SNTG1: variants seen among roughly 807,000 people sequenced by gnomAD.
SNTG1 encodes syntrophin gamma 1.
In SNTG1, 39 loss-of-function variants were observed where a neutral mutation model predicts 74.7. That is an observed-to-expected ratio of 0.52 (90% CI 0.40 to 0.68). The LOEUF (loss-of-function observed/expected upper bound fraction) is 0.68. SNTG1 is among the 30% of genes least tolerant of loss of function. The pLI, the probability that SNTG1 is intolerant of heterozygous loss-of-function variation, is 0.00. For synonymous variants in SNTG1, 254 were observed against 217.1 expected, an observed-to-expected ratio of 1.17 and a Z score of -1.49; for missense variants, 685 against 609.5, an observed-to-expected ratio of 1.12 and a Z score of -1.30.
chr8:50,351,540 C>A (rs552604239), intron 2 of SNTG1, among the ~76,000 whole-genome samples: 5 of 152,186 alleles, frequency 3.3e-5, no homozygotes, highest in African/African-American at 7.2e-5. Context: ...GGACTTTAGT[C>A]AAGCATTCAT....
At chr8:50,369,933 T>C (rs1450431853) in intron 2 of SNTG1, among the ~76,000 whole-genome samples, 2 of 152,196 alleles carry the variant, frequency 1.3e-5, no homozygotes, top group Non-Finnish European at 2.9e-5. Flanking sequence ...GGTTTAAAGA[T>C]GCCAATGACT....
chr8:50,788,463 A>T (rs1335806090), intron 18 of SNTG1, among the ~76,000 whole-genome samples: 3 of 151,930 alleles, frequency 2.0e-5, no homozygotes, highest in African/African-American at 7.2e-5. Flanking sequence ...GTTGGCTCTC[A>T]ATTTTGTTCA....
At chr8:50,658,941 T>C (rs1028459445) in intron 15 of SNTG1, among the ~76,000 whole-genome samples, 24 of 152,100 alleles carry the variant, frequency 1.6e-4, no homozygotes, top group African/African-American at 5.8e-4. Flanking sequence ...AGGAGTTCAC[T>C]GGGGAAGAAG....
In SNTG1 at chr8:50,417,214, G is replaced by A. The variant is rs542787287; in HGVS notation, c.162+14870G>A. 1.6e-4 allele frequency among the ~76,000 whole-genome samples: 25 copies of A among 152,176 alleles called. No homozygotes were observed. The South Asian group carries it at 5.2e-3, about 32-fold the overall frequency. On this transcript the variant is annotated intron_variant, in intron 4 of 18. Transcript: ENST00000642720. Reference sequence around the variant, plus strand: ...AAGCAATTGCTTATATACACAAGTTGGAACATCTCTGCGATAAGGAGCATA... The same window carrying A: ...AAGCAATTGCTTATATACACAAGTTAGAACATCTCTGCGATAAGGAGCATA...
intron 17 of SNTG1, among the ~76,000 whole-genome samples, chr8:50,736,070 C>T (rs149066210): frequency 1.8e-4 from 28 of 152,096 alleles, no homozygotes; most frequent in African/African-American, 5.8e-4. Context: ...CAAGCAAATG[C>T]TGAGAGATTT....
At chr8:50,074,465 CT>C (rs1318882795) in intron 1 of SNTG1, among the ~76,000 whole-genome samples, 2 of 152,118 alleles carry the variant, frequency 1.3e-5, no homozygotes, top group Non-Finnish European at 2.9e-5. Context: ...ATTGTTGTGG[CT>C]TTGGATCAGG....
intron 10 of SNTG1, among the ~76,000 whole-genome samples, chr8:50,532,582 C>T (rs886066168): frequency 6.6e-6 from 1 of 152,202 alleles, no homozygotes; most frequent in Non-Finnish European, 1.5e-5. Flanking sequence ...GAGCATTAAC[C>T]TGCAATGGTA....
intron 11 of SNTG1, among the ~76,000 whole-genome samples, chr8:50,550,215 T>A (rs1409707370): frequency 6.6e-6 from 1 of 152,158 alleles, no homozygotes; most frequent in Non-Finnish European, 1.5e-5. Context: ...GAGCAGTGGT[T>A]CCTTGCAGAC....
At chr8:50,581,154 G>A (rs778942194) in intron 12 of SNTG1, among the ~76,000 whole-genome samples, 5 of 152,132 alleles carry the variant, frequency 3.3e-5, no homozygotes, top group Non-Finnish European at 7.4e-5. Context: ...CTTATCAAGA[G>A]CACATAAAAT....
intron 1 of SNTG1, among the ~76,000 whole-genome samples, chr8:49,998,167 A>G (rs527754922): frequency 6.6e-6 from 1 of 152,320 alleles, no homozygotes; most frequent in East Asian, 1.9e-4. Context: ...GGTAAAGTAC[A>G]GCAAAAATAC....
intron 4 of SNTG1, among the ~76,000 whole-genome samples, chr8:50,432,379 G>GC (rs2093247782): frequency 6.6e-6 from 1 of 151,090 alleles, no homozygotes; most frequent in Non-Finnish European, 1.5e-5. Context: ...TGGTCTAAAT[G>GC]CTTTTTCTGT....
intron 1 of SNTG1, among the ~76,000 whole-genome samples, chr8:49,999,969 A>G (rs1005747642): frequency 1.3e-5 from 2 of 152,136 alleles, no homozygotes; most frequent in African/African-American, 2.4e-5. Context: ...GGCTTAATAC[A>G]TATTGTTGAA....
rs35453036 is a variant in SNTG1 at position 50,268,654 on chromosome 8, AT to A, written c.-28+96033del. On this transcript the variant is annotated intron_variant, in intron 2 of 18. Coordinates refer to ENST00000642720, the MANE Select transcript of SNTG1 (RefSeq NM_018967.5). Reference sequence around the variant, plus strand: ...ACGTATACATACTCATACATATTCAATTTTTTTTTTTTTTAATTTTTAGGCA... The same window carrying A: ...ACGTATACATACTCATACATATTCAATTTTTTTTTTTTTAATTTTTAGGCA... Among the ~76,000 whole-genome samples the A allele has an allele frequency of 4.5e-4, 66 of 147,406 alleles. 1 individual carries two copies. The highest frequency in any genetic ancestry group is 8.7e-4 in the African/African-American group (35 of 40,128).
At chr8:50,113,588 C>T (rs2080693010) in intron 1 of SNTG1, among the ~76,000 whole-genome samples, 1 of 152,112 alleles carries the variant, frequency 6.6e-6, no homozygotes, top group Non-Finnish European at 1.5e-5. Context: ...TTTCTCCTGC[C>T]TGATTGCCCT....
intron 18 of SNTG1, among the ~76,000 whole-genome samples, chr8:50,758,604 A>G (rs761591551): frequency 1.3e-5 from 2 of 152,054 alleles, no homozygotes; most frequent in Non-Finnish European, 2.9e-5. Context: ...TACTTTGCTG[A>G]GAATGATGGT....
chr8:50,182,478 AAG>A (rs1218326350), intron 2 of SNTG1, among the ~76,000 whole-genome samples: 3 of 152,210 alleles, frequency 2.0e-5, no homozygotes, highest in African/African-American at 7.2e-5. Context: ...AGTAAGCTGA[AAG>A]AGATAAATAG....
At chr8:50,769,712 T>C (rs982203885) in intron 18 of SNTG1, among the ~76,000 whole-genome samples, 9 of 152,018 alleles carry the variant, frequency 5.9e-5, no homozygotes, top group Admixed American at 1.3e-4. Context: ...TTTATGGCCA[T>C]AGGTATCAAG....
intron 2 of SNTG1, among the ~76,000 whole-genome samples, chr8:50,306,302 G>T (rs7834452): frequency 0.47 from 70,992 of 151,312 alleles, 19,151 homozygotes; most frequent in East Asian, 0.83. Context: ...TTGATTGATG[G>T]ACACTGGGGT....
At chr8:50,462,683 G>A (rs2093574367) in intron 8 of SNTG1, among the ~76,000 whole-genome samples, 1 of 150,840 alleles carries the variant, frequency 6.6e-6, no homozygotes, top group African/African-American at 2.4e-5. Flanking sequence ...TCACCAGGAA[G>A]AGTTTCCTTT....
Sources: gnomAD v4.1 joint callset for allele counts (sites outside exome capture counted in the v4.1 genomes callset) on GRCh38, gnomAD v4.1.1 for gene constraint, MANE v1.5 for transcripts, NCBI Gene and HGNC (gene_info 2026-07-23, HGNC 2026-07-21) for gene names.